Variants in INSL6 observed in about 807,000 individuals in gnomAD.
INSL6 encodes insulin-like peptide INSL6.
INSL6 carries 16 observed loss-of-function variants against 9.4 expected under a neutral mutation model. The ratio of observed to expected loss-of-function variants is 1.70; its 90% CI spans 1.15 to 2.59. The LOEUF is 2.59. Among genes scored for constraint, INSL6 ranks in the 30% most tolerant of loss-of-function variants. INSL6 has a pLI of 0.00. For missense variants in INSL6, 391 were observed against 257.3 expected (o/e 1.52, Z -3.56); for synonymous variants, 154 against 96.9 (o/e 1.59, Z -3.46).
the INSL6 span, among the ~76,000 whole-genome samples, chr9:5,104,945 CAATATCATACTG>C: frequency 6.6e-6 from 1 of 152,208 alleles, no homozygotes; most frequent in Non-Finnish European, 1.5e-5. Flanking sequence ...AACTCACAGC[CAATATCATACTG>C]AATGGGCAAA....
At chr9:5,091,756 T>G in the INSL6 span, among the ~76,000 whole-genome samples, 10 of 152,134 alleles carry the variant, frequency 6.6e-5, no homozygotes, top group African/African-American at 2.4e-4. Flanking sequence ...ATGAATAGGC[T>G]TAAGTCGGGG....
the INSL6 span, among the ~76,000 whole-genome samples, chr9:5,077,773 GT>G: frequency 6.6e-6 from 1 of 152,152 alleles, no homozygotes; most frequent in Admixed American, 6.5e-5. Flanking sequence ...TGAAAAAAAA[GT>G]TTTGTCATCC....
the INSL6 span, among the ~76,000 whole-genome samples, chr9:5,060,463 T>C: frequency 6.6e-6 from 1 of 152,222 alleles, no homozygotes; most frequent in Non-Finnish European, 1.5e-5. Context: ...TCTAAATCCT[T>C]TGCTGTCTTT....
At chr9:5,183,536 C>T (rs1220983368) in intron 1 of INSL6, among the ~76,000 whole-genome samples, 2 of 152,152 alleles carry the variant, frequency 1.3e-5, no homozygotes, top group Non-Finnish European at 2.9e-5. Flanking sequence ...TAAGGTTGAA[C>T]ATTTTTATTA....
At chr9:5,029,989 C>A in the INSL6 span, 1 of 1,227,610 alleles carries the variant, frequency 8.1e-7, no homozygotes, top group Non-Finnish European at 1.1e-6. Context: ...TTGCAAGGTA[C>A]TTAATACCAG....
At chr9:4,999,852 C>T in the INSL6 span, among the ~76,000 whole-genome samples, 1 of 152,190 alleles carries the variant, frequency 6.6e-6, no homozygotes, top group African/African-American at 2.4e-5. Context: ...AGACTTGTTT[C>T]ATAGAATTAT....
At chr9:5,093,656 A>G in the INSL6 span, among the ~76,000 whole-genome samples, 85 of 152,314 alleles carry the variant, frequency 5.6e-4, no homozygotes, top group Non-Finnish European at 1.1e-3. Context: ...CGAACAACCT[A>G]AACTAAGACC....
At chr9:5,029,045 C>A in the INSL6 span, among the ~76,000 whole-genome samples, 1 of 152,150 alleles carries the variant, frequency 6.6e-6, no homozygotes, top group African/African-American at 2.4e-5. Flanking sequence ...TGGCTTTTAG[C>A]CTCTCTTGGC....
the INSL6 span, chr9:5,111,615 T>G: frequency 3.0e-5 from 11 of 372,716 alleles, 1 homozygote; most frequent in South Asian, 2.0e-4. Flanking sequence ...CAGGTGGGCT[T>G]TGGCCCCATG....
intron 2 of INSL6, among the ~76,000 whole-genome samples, chr9:5,142,762 T>A (rs1824528135): frequency 6.6e-6 from 1 of 152,200 alleles, no homozygotes; most frequent in Non-Finnish European, 1.5e-5. Context: ...AGAGAGGGCA[T>A]CCTTGTTTTG....
the INSL6 span, chr9:5,089,654 T>C: frequency 7.8e-7 from 1 of 1,275,328 alleles, no homozygotes; most frequent in Non-Finnish European, 1.0e-6. Context: ...ATTTCCATCC[T>C]AATGTGATGT....
chr9:5,033,788 G>T, the INSL6 span, among the ~76,000 whole-genome samples: 1 of 152,042 alleles, frequency 6.6e-6, no homozygotes. Flanking sequence ...GCAAAAACAC[G>T]CCAAATTGTA....
chr9:5,129,859 T>C (rs903192938), intron 3 of INSL6, among the ~76,000 whole-genome samples: 2 of 152,172 alleles, frequency 1.3e-5, no homozygotes, highest in African/African-American at 4.8e-5. Flanking sequence ...CTTAGTAAAA[T>C]GCAGACTGTA....
chr9:5,111,287 G>C, the INSL6 span: 1 of 478,700 alleles, frequency 2.1e-6, no homozygotes, highest in Non-Finnish European at 4.0e-6. Flanking sequence ...CTGGCTTCCT[G>C]CCGGGCAAGC....
the INSL6 span, among the ~76,000 whole-genome samples, chr9:5,079,933 G>C: frequency 6.6e-6 from 1 of 152,154 alleles, no homozygotes; most frequent in Admixed American, 6.5e-5. Context: ...AGAACTCACT[G>C]TACAGGATTC....
chr9:5,077,976 C>T, the INSL6 span, among the ~76,000 whole-genome samples: 1 of 152,248 alleles, frequency 6.6e-6, no homozygotes, highest in East Asian at 1.9e-4. Context: ...CCTCAGGGTG[C>T]ACCTATGTCC....
chr9:5,173,378 G>A (rs1825225684), intron 1 of INSL6, among the ~76,000 whole-genome samples: 1 of 152,156 alleles, frequency 6.6e-6, no homozygotes, highest in Non-Finnish European at 1.5e-5. Flanking sequence ...ATCAATAAGA[G>A]ACTGGATATA....
At chr9:5,066,296 A>G in the INSL6 span, among the ~76,000 whole-genome samples, 4 of 152,166 alleles carry the variant, frequency 2.6e-5, no homozygotes, top group Non-Finnish European at 4.4e-5. Context: ...AGTAACTGCT[A>G]TGGTAGTAGA....
At chr9:5,031,316 A>C in the INSL6 span, among the ~76,000 whole-genome samples, 1 of 152,200 alleles carries the variant, frequency 6.6e-6, no homozygotes, top group Non-Finnish European at 1.5e-5. Context: ...ATTATATGAA[A>C]CTACAAAATG....
Sources: gnomAD v4.1 joint callset for allele counts (sites outside exome capture counted in the v4.1 genomes callset) on GRCh38, gnomAD v4.1.1 for gene constraint, MANE v1.5 for transcripts, NCBI Gene and HGNC (gene_info 2026-07-23, HGNC 2026-07-21) for gene names.